The following LRBA variants were observed in gnomAD, a reference collection of about 807,000 sequenced individuals.
LRBA encodes the protein LPS responsive beige-like anchor protein, also known as lipopolysaccharide-responsive and beige-like anchor protein.
LRBA carries 176 observed loss-of-function variants against 330.0 expected under a neutral mutation model. The observed-to-expected ratio is 0.53, with a 90% confidence interval of 0.47 to 0.60. The LOEUF is 0.60. Ranked by LOEUF, LRBA falls within the 20% of genes least tolerant of loss-of-function variation. LRBA has a pLI of 0.00. For missense variants in LRBA, 3,259 were observed against 3,444.8 expected, an observed-to-expected ratio of 0.95 and a Z score of 1.35; for synonymous variants, 1,230 against 1,193.0, an observed-to-expected ratio of 1.03 and a Z score of -0.64.
In LRBA at chr4:150,423,014, C is replaced by T. The variant is rs549878421; in HGVS notation, c.7042-7424G>A. 4.3e-5 allele frequency: 34 copies of T among 784,844 alleles called. No homozygotes were observed. The African/African-American group carries it at 5.1e-4, about 12-fold the overall frequency. The allele number at this position is 784,844 out of a possible 1,614,324, so 48.6% of individuals were successfully genotyped here. A position where few individuals can be genotyped will look rare whatever the true frequency, so the allele number is the denominator to read the frequency against. On this transcript the variant is annotated intron_variant, in intron 46 of 56. Transcript: ENST00000651943. ...GTATAAGTGACAGGCTGAGCCTGGC[C>T]TAGAGCTTCCAAGGCTTGTCCTCAA...
chr4:150,625,996 A>G (rs1024023664), intron 37 of LRBA, among the ~76,000 whole-genome samples: 1 of 151,462 alleles, frequency 6.6e-6, no homozygotes, highest in Non-Finnish European at 1.5e-5. Flanking sequence ...TTGGCCGGAT[A>G]TATTTTTTTT....
In LRBA at chr4:150,852,338, A is replaced by C; in HGVS notation, c.3372T>G (p.Asn1124Lys). 1.9e-6 allele frequency: 3 copies of C among 1,613,954 alleles called. No individual in the cohort carries two copies. The highest frequency in any genetic ancestry group is 2.5e-6 in the Non-Finnish European group (3 of 1,180,020). Residue 1124 changes from asparagine to lysine, a missense_variant, in exon 23 of 57, where the codon AAT becomes AAG. Transcript: ENST00000651943. ...KVEGSPTEEA[N>K]LPTELQDNSL... is the part of the protein sequence containing the mutation. ...TGTTATCTTGGAGCTCTGTGGGTAGATTAGCTTCCTCAGTAGGACTGCCTT... is the reference window on the plus strand; with the variant it reads ...TGTTATCTTGGAGCTCTGTGGGTAGCTTAGCTTCCTCAGTAGGACTGCCTT...
chr4:150,836,213 G>C (rs1214083320), intron 28 of LRBA, among the ~76,000 whole-genome samples: 2 of 152,048 alleles, frequency 1.3e-5, no homozygotes, highest in Non-Finnish European at 2.9e-5. Flanking sequence ...CAGTATTTTA[G>C]TGAGGATTTT....
chr4:150,368,075 T>G (rs910617283), intron 47 of LRBA, among the ~76,000 whole-genome samples: 2 of 152,150 alleles, frequency 1.3e-5, no homozygotes, highest in African/African-American at 2.4e-5. Context: ...GAGGTATCCT[T>G]CAAACTCAGC....
chr4:150,273,712 AAAG>A (rs1428842407), intron 56 of LRBA, among the ~76,000 whole-genome samples: 1 of 152,206 alleles, frequency 6.6e-6, no homozygotes, highest in Non-Finnish European at 1.5e-5. Context: ...CAAAAGAGAC[AAAG>A]AAGGCCATGA....
chr4:150,657,474 A>G (rs1043678515), intron 37 of LRBA, among the ~76,000 whole-genome samples: 2 of 152,006 alleles, frequency 1.3e-5, no homozygotes, highest in Admixed American at 6.5e-5. Context: ...TTACACCTCA[A>G]ATTATAGGGA....
chr4:150,646,057 A>G (rs1455417758), intron 37 of LRBA, among the ~76,000 whole-genome samples: 1 of 151,936 alleles, frequency 6.6e-6, no homozygotes, highest in Non-Finnish European at 1.5e-5. Context: ...TTGACCCAAA[A>G]ATCTAAAATA....
At chr4:150,393,140 G>A (rs1428892171) in intron 47 of LRBA, among the ~76,000 whole-genome samples, 1 of 151,978 alleles carries the variant, frequency 6.6e-6, no homozygotes, top group Non-Finnish European at 1.5e-5. Context: ...TGCTATCTAT[G>A]CTCTGATTAA....
chr4:150,969,282 G>A (rs1409577298), intron 2 of LRBA, among the ~76,000 whole-genome samples: 7 of 152,200 alleles, frequency 4.6e-5, no homozygotes, highest in Non-Finnish European at 1.5e-5. Flanking sequence ...CACTGCCATA[G>A]ATAGTGATTC....
chr4:150,658,020 T>C (rs976011219), intron 37 of LRBA, among the ~76,000 whole-genome samples: 4 of 152,102 alleles, frequency 2.6e-5, no homozygotes, highest in Non-Finnish European at 5.9e-5. Context: ...TTGCCTAGTG[T>C]GTAATTACAC....
Position 150,506,529 on chromosome 4 carries a change from C to A in LRBA, c.6331-15494G>T, listed in dbSNP as rs145302013. On this transcript the variant is annotated intron_variant, in intron 40 of 56. Transcript: ENST00000651943. ...AAGGCCTTTGACAAAATTCAACAAC[C>A]CTTCATGCTAAAAACTCTCAATAAA... 4.6e-5 allele frequency among the ~76,000 whole-genome samples: 7 copies of A among 152,186 alleles called. No homozygotes were observed. The South Asian group carries it at 6.2e-4, about 14-fold the overall frequency.
intron 53 of LRBA, among the ~76,000 whole-genome samples, chr4:150,296,884 T>C (rs1442144407): frequency 6.6e-6 from 1 of 152,122 alleles, no homozygotes; most frequent in Non-Finnish European, 1.5e-5. Context: ...GTTCTACCAA[T>C]AATGTTATGG....
chr4:150,546,588 C>A (rs1231257584), intron 40 of LRBA, among the ~76,000 whole-genome samples: 1 of 152,162 alleles, frequency 6.6e-6, no homozygotes, highest in African/African-American at 2.4e-5. Flanking sequence ...TACAAAAATA[C>A]CAGAGTGGTC....
intron 37 of LRBA, among the ~76,000 whole-genome samples, chr4:150,666,089 G>A (rs906376151): frequency 6.6e-6 from 1 of 152,232 alleles, no homozygotes; most frequent in African/African-American, 2.4e-5. Flanking sequence ...AATCACGAAA[G>A]GGTAGGAAAA....
At chr4:150,763,243 T>A (rs987898104) in intron 34 of LRBA, among the ~76,000 whole-genome samples, 1 of 151,988 alleles carries the variant, frequency 6.6e-6, no homozygotes, top group Non-Finnish European at 1.5e-5. Flanking sequence ...ATAAAATCCA[T>A]GTTCTCATTC....
At chr4:150,265,863 A>G in intron 56 of LRBA, 51 bp from the exon 57 acceptor site, 1 of 1,180,744 alleles carries the variant, frequency 8.5e-7, no homozygotes, top group Non-Finnish European at 1.3e-6. Flanking sequence ...TGTCCTAGAG[A>G]TGTTACTAAA....
chr4:150,436,521 G>GA (rs996860917), intron 45 of LRBA, among the ~76,000 whole-genome samples: 1 of 151,904 alleles, frequency 6.6e-6, no homozygotes, highest in African/African-American at 2.4e-5. Flanking sequence ...GCAAATTTAA[G>GA]AAAAAAATTC....
chr4:150,323,208 A>C (rs529897133), intron 49 of LRBA, among the ~76,000 whole-genome samples: 27 of 152,296 alleles, frequency 1.8e-4, no homozygotes, highest in Admixed American at 3.3e-4. Context: ...ACATGAAGGA[A>C]AATATCCCAT....
rs1561059384 is a variant in LRBA, at chr4:150,959,808, T to C, written c.217-30743A>G. Among the ~76,000 whole-genome samples the C allele has an allele frequency of 1.4e-5, 2 of 145,398 alleles. 1 individual carries two copies. The highest frequency in any genetic ancestry group is 5.3e-5 in the African/African-American group (2 of 37,976). On this transcript the variant is annotated intron_variant, in intron 2 of 56. Coordinates refer to ENST00000651943, the MANE Select transcript of LRBA (RefSeq NM_001364905.1). ...TCTATAATTATATATAAAGAACATA[T>C]AAAAAGTATATAAATATATAAAAGA...
Sources: allele counts gnomAD v4.1 joint callset (sites outside exome capture counted in the v4.1 genomes callset), GRCh38; gene constraint gnomAD v4.1.1; transcripts MANE v1.5; gene names NCBI Gene and HGNC (gene_info 2026-07-23, HGNC 2026-07-21).